The following FAM117B variants were observed in gnomAD, a reference collection of about 807,000 sequenced individuals.
FAM117B encodes the protein family with sequence similarity 117 member B, also known as protein FAM117B.
FAM117B carries 22 observed loss-of-function variants against 52.8 expected under a neutral mutation model. That is an observed-to-expected ratio of 0.42 (90% CI 0.30 to 0.59). FAM117B has a LOEUF of 0.59. Among genes scored for constraint, FAM117B ranks in the 20% least tolerant of loss-of-function variants. The pLI, the probability that FAM117B is intolerant of heterozygous loss-of-function variation, is 0.22. For synonymous variants in FAM117B, 309 were observed against 324.1 expected, an observed-to-expected ratio of 0.95 and a Z score of 0.50; for missense variants, 678 against 802.6, an observed-to-expected ratio of 0.84 and a Z score of 1.88.
rs969838284 is a variant in FAM117B at position 202,672,290 on chromosome 2, A to G, written c.602-23591A>G. Among the ~76,000 whole-genome samples, 11 of 152,238 alleles carry G rather than the reference A, an allele frequency of 7.2e-5. No individual in the cohort carries two copies. The South Asian group carries it at 2.3e-3, about 32-fold the overall frequency. ...TGCAGTGGCACGATCCCGGCTCACTACAACCTTCACCTCCTGGGTTCAAGC... is the reference window on the plus strand; with the variant it reads ...TGCAGTGGCACGATCCCGGCTCACTGCAACCTTCACCTCCTGGGTTCAAGC... On this transcript the variant is annotated intron_variant, in intron 1 of 7. Transcript: ENST00000392238.
chr2:202,769,637 C>T lies in FAM117B; in HGVS notation c.*3873C>T, dbSNP rs1373489215. ...TTCTAACAATTCTCTCAAAAAACAG[C>T]ATTTCCAATGGTAATCGGTATTGTT... On this transcript the variant is annotated 3_prime_UTR_variant, in exon 8 of 8. Coordinates refer to ENST00000392238, the MANE Select transcript of FAM117B (RefSeq NM_173511.4). 2 of 152,594 alleles carry T rather than the reference C, an allele frequency of 1.3e-5. No individual in the cohort carries two copies. The highest frequency in any genetic ancestry group is 6.5e-5 in the Admixed American group (1 of 15,282). 9.5% of individuals were successfully genotyped at this position (152,594 alleles called of 1,614,324 possible).
Position 202,635,039 on chromosome 2 carries a change from GC to G in FAM117B, c.-145del. On this transcript the variant is annotated 5_prime_UTR_variant, in exon 1 of 8. Coordinates refer to ENST00000392238, the MANE Select transcript of FAM117B (RefSeq NM_173511.4). Reference sequence around the variant, plus strand: ...CGGCTGCACCACCTCGTTGCTGCCTGCCCCGGCCCGGTCTCCCCCTGCACCC... The same window carrying G: ...CGGCTGCACCACCTCGTTGCTGCCTGCCCGGCCCGGTCTCCCCCTGCACCC... The G allele has an allele frequency of 9.0e-7, 1 of 1,107,486 alleles. No individual in the cohort carries two copies. Among genetic ancestry groups the G allele is most frequent in the Non-Finnish European group, 1.2e-6 (1 of 867,080 alleles). The allele number at this position is 1,107,486 out of a possible 1,614,324, so 68.6% of individuals were successfully genotyped here. A position where few individuals can be genotyped will look rare whatever the true frequency, so the allele number is the denominator to read the frequency against.
chr2:202,722,924 A>G (rs914055623), intron 2 of FAM117B, among the ~76,000 whole-genome samples: 2 of 152,164 alleles, frequency 1.3e-5, no homozygotes, highest in African/African-American at 4.8e-5. Context: ...TTTATGCTAT[A>G]TGGTCCTATT....
At chr2:202,764,045 CTGTG>C (rs1370174172) in intron 7 of FAM117B, among the ~76,000 whole-genome samples, 1 of 152,166 alleles carries the variant, frequency 6.6e-6, no homozygotes, top group African/African-American at 2.4e-5. Flanking sequence ...CTTTGGCAGT[CTGTG>C]TGGTAAAGCT....
intron 2 of FAM117B, among the ~76,000 whole-genome samples, chr2:202,700,017 G>A (rs1690773818): frequency 1.3e-5 from 2 of 152,144 alleles, no homozygotes; most frequent in Non-Finnish European, 1.5e-5. Flanking sequence ...ATAAGACGGG[G>A]AACTTAATTG....
At chr2:202,763,070 C>CTTTTT (rs11292183) in intron 7 of FAM117B, among the ~76,000 whole-genome samples, 1 of 106,976 alleles carries the variant, frequency 9.3e-6, no homozygotes. Context: ...AGTCTTAAGT[C>CTTTTT]TTTTTTTTTT....
intron 4 of FAM117B, among the ~76,000 whole-genome samples, chr2:202,751,173 A>G (rs1691715019): frequency 6.6e-6 from 1 of 152,220 alleles, no homozygotes; most frequent in African/African-American, 2.4e-5. Flanking sequence ...CAATTCACCT[A>G]AAAATTGCAT....
intron 7 of FAM117B, among the ~76,000 whole-genome samples, chr2:202,761,782 C>T (rs1691893820): frequency 6.6e-6 from 1 of 152,170 alleles, no homozygotes; most frequent in South Asian, 2.1e-4. Context: ...CCACCTCTGC[C>T]TCCCAAAGTG....
At chr2:202,701,522 T>C (rs1268882796) in intron 2 of FAM117B, among the ~76,000 whole-genome samples, 4 of 152,230 alleles carry the variant, frequency 2.6e-5, no homozygotes, top group African/African-American at 9.6e-5. Flanking sequence ...CCATAGATAG[T>C]GATTCCTCTG....
At chr2:202,748,939 G>A (rs372664041) in intron 4 of FAM117B, among the ~76,000 whole-genome samples, 1 of 152,116 alleles carries the variant, frequency 6.6e-6, no homozygotes, top group Non-Finnish European at 1.5e-5. Context: ...GTGGTTGTGT[G>A]TGTGCGTGTA....
intron 1 of FAM117B, among the ~76,000 whole-genome samples, chr2:202,656,762 T>A (rs531074148): frequency 3.0e-4 from 45 of 152,332 alleles, no homozygotes; most frequent in African/African-American, 1.1e-3. Flanking sequence ...TCTATTTGTT[T>A]TATCAGTTGC....
At chr2:202,760,929 C>T (rs1375999419) in intron 7 of FAM117B, among the ~76,000 whole-genome samples, 1 of 152,152 alleles carries the variant, frequency 6.6e-6, no homozygotes, top group Admixed American at 6.6e-5. Flanking sequence ...CCTGCTGAGA[C>T]AGGTTCTCAC....
chr2:202,726,959 A>G (rs1233786721), intron 4 of FAM117B, among the ~76,000 whole-genome samples: 2 of 152,104 alleles, frequency 1.3e-5, no homozygotes, highest in African/African-American at 4.8e-5. Context: ...AAAAAAAAAT[A>G]GCTGTCTCAT....
rs979329522 is a variant in FAM117B, at chr2:202,635,645, C to A, written c.458C>A (p.Pro153His). The A allele has an allele frequency of 1.6e-5, 21 of 1,338,296 alleles. No individual in the cohort carries two copies. Among genetic ancestry groups the A allele is most frequent in the Non-Finnish European group, 1.8e-5 (19 of 1,047,484 alleles). 82.9% of individuals were successfully genotyped at this position (1,338,296 alleles called of 1,614,324 possible). The change falls in exon 1 of 8, where the codon CCC becomes CAC. Residue 153 changes from proline to histidine, a missense_variant. Pro to His is a moderately conservative substitution (Grantham distance 77). This residue lies in a region of FAM117B where 583 missense variants were observed against 644.8 expected (regional missense o/e 0.90). Transcript: ENST00000392238. ...CCGCTGCTGGGCACCGTGTCGTCGCCCAGCTCGTCGCCCACCCACCTGTGG... is the reference window on the plus strand; with the variant it reads ...CCGCTGCTGGGCACCGTGTCGTCGCACAGCTCGTCGCCCACCCACCTGTGG... ...PPPLLGTVSS[P>H]SSSPTHLWTG...
At chr2:202,738,437 A>G (rs1383466767) in intron 4 of FAM117B, among the ~76,000 whole-genome samples, 1 of 152,178 alleles carries the variant, frequency 6.6e-6, no homozygotes, top group Non-Finnish European at 1.5e-5. Flanking sequence ...CTTTAAGGGA[A>G]ATGGAGAATT....
At chr2:202,763,402 A>G (rs572185217) in intron 7 of FAM117B, among the ~76,000 whole-genome samples, 137 of 152,250 alleles carry the variant, frequency 9.0e-4, no homozygotes, top group African/African-American at 3.2e-3. Flanking sequence ...AGATAACCTC[A>G]AACAAATAAT....
chr2:202,691,649 TTGTGTGTGTGTG>T (rs199855927), intron 1 of FAM117B, among the ~76,000 whole-genome samples: 125 of 126,880 alleles, frequency 9.9e-4, no homozygotes, highest in African/African-American at 2.3e-3. Context: ...CCAGTTTACA[TTGTGTGTGTGTG>T]TGTGTGTGTG....
intron 1 of FAM117B, among the ~76,000 whole-genome samples, chr2:202,671,454 T>C (rs1690297747): frequency 6.6e-6 from 1 of 152,230 alleles, no homozygotes; most frequent in South Asian, 2.1e-4. Context: ...TTGAAGTTTC[T>C]GGGAATAACT....
chr2:202,762,983 C>G (rs1691918201), intron 7 of FAM117B, among the ~76,000 whole-genome samples: 1 of 150,900 alleles, frequency 6.6e-6, no homozygotes, highest in East Asian at 1.9e-4. Flanking sequence ...AATTCCAGAT[C>G]AAAAACTTTA....
Sources: gnomAD v4.1 joint callset for allele counts (sites outside exome capture counted in the v4.1 genomes callset) on GRCh38, gnomAD v4.1.1 for gene constraint, gnomAD v4.1.1 regional missense constraint, MANE v1.5 for transcripts, NCBI Gene and HGNC (gene_info 2026-07-23, HGNC 2026-07-21) for gene names.